Variants in NOM1 observed in about 807,000 individuals in gnomAD.
NOM1 encodes nucleolar MIF4G domain-containing protein 1.
Under a neutral mutation model 73.3 loss-of-function variants are expected in NOM1, and 58 were observed. The ratio of observed to expected loss-of-function variants is 0.79; its 90% CI spans 0.64 to 0.99. NOM1 has a LOEUF of 0.99. NOM1 is among the 50% of genes least tolerant of loss of function. NOM1 has a pLI of 0.00. For missense variants in NOM1, 1,226 were observed against 1,131.9 expected, an observed-to-expected ratio of 1.08 and a Z score of -1.19; for synonymous variants, 487 against 446.8, an observed-to-expected ratio of 1.09 and a Z score of -1.14.
rs774739452 is a variant in NOM1 at position 156,966,280 on chromosome 7, A to C, written c.2044A>C (p.Lys682Gln). The C allele has an allele frequency of 6.8e-5, 109 of 1,613,846 alleles. No individual in the cohort carries two copies. Among genetic ancestry groups the C allele is most frequent in the Admixed American group, 3.8e-4 (23 of 60,008 alleles). Residue 682 changes from lysine (K) to glutamine (Q), a missense_variant, in exon 8 of 11, where the codon AAG (lysine) becomes CAG (glutamine). Transcript: ENST00000275820. ...TGTTCTGTTTTCTAGGCTTGGACTT[A>C]AGGATCAGCAGGAGAGAGAAATCAT... ...AFEKLLKLGL[K>Q]DQQEREIIHV...
In NOM1 at chr7:156,949,878, A is replaced by G. The variant is rs1429901932; in HGVS notation, c.141A>G (p.Leu47=). 2.6e-6 allele frequency: 4 copies of G among 1,528,662 alleles called. No individual in the cohort carries two copies. In the East Asian group the frequency reaches 9.8e-5, roughly 38 times the overall value. The allele number at this position is 1,528,662 out of a possible 1,614,324, so 94.7% of individuals were successfully genotyped here. Reference sequence around the variant, plus strand: ...AGAAGGCCCTGAAGAGGCTGAAGCTAGCGGTGGAGGAGTTCGTGCACGCGA... The same window carrying G: ...AGAAGGCCCTGAAGAGGCTGAAGCTGGCGGTGGAGGAGTTCGTGCACGCGA... ...GGEKALKRLK[L]AVEEFVHATS... The change falls in exon 1 of 11, where the codon CTA becomes CTG. Residue 47 remains leucine (L), a synonymous_variant. Coordinates refer to ENST00000275820, the MANE Select transcript of NOM1 (RefSeq NM_138400.2).
rs891984743 is a variant in NOM1 at position 156,950,230 on chromosome 7, G to A, written c.493G>A (p.Ala165Thr). The A allele has an allele frequency of 6.2e-7, 1 of 1,612,604 alleles. No individual in the cohort carries two copies. The highest frequency in any genetic ancestry group is 8.5e-7 in the Non-Finnish European group (1 of 1,179,650). Residue 165 changes from alanine to threonine, a missense_variant, in exon 1 of 11, where the codon GCC becomes ACC. Ala to Thr is a moderately conservative substitution (Grantham distance 58). Transcript: ENST00000275820. Reference protein sequence around the residue: ...AATAKTRPSAAATAAARKRAL... With the variant: ...AATAKTRPSATATAAARKRAL... ...CACCGCAAAGACCAGACCCTCCGCAGCCGCCACCGCCGCTGCCCGGAAACG... is the reference window on the plus strand; with the variant it reads ...CACCGCAAAGACCAGACCCTCCGCAACCGCCACCGCCGCTGCCCGGAAACG...
chr7:156,963,073 G>A lies in NOM1; in HGVS notation c.1809G>A (p.Ala603=), dbSNP rs764798949. 1.2e-5 allele frequency: 19 copies of A among 1,614,050 alleles called. No individual in the cohort carries two copies. Among genetic ancestry groups the A allele is most frequent in the East Asian group, 2.2e-5 (1 of 44,898 alleles). ...LRVSWDSVLS[A]EQTGRWWIVG... is the part of the protein sequence containing the mutation. Reference sequence around the variant, plus strand: ...TCTCCTGGGACAGTGTCTTGAGTGCGGAGCAGACGGGTCGCTGGTGGATTG... The same window carrying A: ...TCTCCTGGGACAGTGTCTTGAGTGCAGAGCAGACGGGTCGCTGGTGGATTG... Residue 603 remains alanine (A), a synonymous_variant, in exon 6 of 11, where the codon GCG becomes GCA. Transcript: ENST00000275820.
intron 1 of NOM1, 90 bp from the exon 2 acceptor site, chr7:156,952,384 A>T (rs1490323725): frequency 2.2e-6 from 3 of 1,392,208 alleles, no homozygotes; most frequent in Non-Finnish European, 2.9e-6. Context: ...AGTTCTTGGA[A>T]GTTTAATATT....
chr7:156,969,820 A>G lies in NOM1; in HGVS notation c.*117A>G, dbSNP rs1805099368. The G allele has an allele frequency of 2.1e-6, 2 of 961,550 alleles. No individual in the cohort carries two copies. Among genetic ancestry groups the G allele is most frequent in the Non-Finnish European group, 2.9e-6 (2 of 694,428 alleles). The allele number at this position is 961,550 out of a possible 1,614,324, so 59.6% of individuals were successfully genotyped here. On this transcript the variant is annotated 3_prime_UTR_variant, in exon 11 of 11. Transcript: ENST00000275820. ...GGTAGAGCTATATCATTGTCTGTTA[A>G]TGTATTATATTTTGAGATTTTTTTT... is the stretch of plus-strand genomic sequence containing the variant.
intron 2 of NOM1, 28 bp downstream of exon 2, chr7:156,952,626 T>A: frequency 6.9e-6 from 11 of 1,598,060 alleles, no homozygotes; most frequent in Non-Finnish European, 9.4e-6. Context: ...TTACACTGTG[T>A]CACTTAGAGA....
At chr7:156,961,391 G>A (rs983741034) in intron 4 of NOM1, among the ~76,000 whole-genome samples, 4 of 152,116 alleles carry the variant, frequency 2.6e-5, no homozygotes, top group African/African-American at 9.7e-5. Context: ...AAGAGGAGGG[G>A]GCTGGAGAAG....
At chr7:156,968,199 C>T (rs956138322) in intron 9 of NOM1, among the ~76,000 whole-genome samples, 34 of 152,170 alleles carry the variant, frequency 2.2e-4, no homozygotes, top group African/African-American at 5.8e-4. Flanking sequence ...GCTCCCCCTC[C>T]GCTCCCCTGC....
intron 9 of NOM1, among the ~76,000 whole-genome samples, chr7:156,967,674 G>A (rs1805033095): frequency 6.6e-6 from 1 of 152,176 alleles, no homozygotes; most frequent in South Asian, 2.1e-4. Context: ...ACAGGCTCAT[G>A]CCACCACGCC....
intron 4 of NOM1, among the ~76,000 whole-genome samples, chr7:156,961,904 A>AAG (rs1457269918): frequency 4.6e-5 from 7 of 150,676 alleles, no homozygotes; most frequent in African/African-American, 1.7e-4. Flanking sequence ...CAGAAGGGAA[A>AAG]AGAGATCTCT....
At chr7:156,955,078 G>T (rs1268761073) in intron 3 of NOM1, among the ~76,000 whole-genome samples, 1 of 152,180 alleles carries the variant, frequency 6.6e-6, no homozygotes, top group Non-Finnish European at 1.5e-5. Context: ...GTGGGCTTTT[G>T]TTGGGATTGA....
At chr7:156,968,297 C>T (rs1000851879) in intron 9 of NOM1, among the ~76,000 whole-genome samples, 3 of 152,168 alleles carry the variant, frequency 2.0e-5, no homozygotes, top group Non-Finnish European at 4.4e-5. Flanking sequence ...GGCAGGAGCA[C>T]ACCCTCAGGC....
At chr7:156,968,910 A>G in intron 9 of NOM1, 177 bp from the exon 10 acceptor site, 1 of 545,802 alleles carries the variant, frequency 1.8e-6, no homozygotes, top group South Asian at 2.0e-5. Context: ...GGAATTCCCA[A>G]GGCCCACATC....
At position 156,969,932 on chromosome 7, in the gene NOM1, C is replaced by T. The variant is rs897201326; in HGVS notation, c.*229C>T. Reference sequence around the variant, plus strand: ...GGAGAAGGAGGGAGGGAAAAGGGGTCAGGCACACTGGACAGGGTTCTCTAA... The same window carrying T: ...GGAGAAGGAGGGAGGGAAAAGGGGTTAGGCACACTGGACAGGGTTCTCTAA... On this transcript the variant is annotated 3_prime_UTR_variant, in exon 11 of 11. Coordinates refer to ENST00000275820, the MANE Select transcript of NOM1 (RefSeq NM_138400.2). The T allele has an allele frequency of 1.4e-4, 53 of 367,462 alleles. No individual in the cohort carries two copies. The highest frequency in any genetic ancestry group is 9.9e-4 in the African/African-American group (47 of 47,548). The allele number at this position is 367,462 out of a possible 1,614,324, so 22.8% of individuals were successfully genotyped here. A position where few individuals can be genotyped will look rare whatever the true frequency, so the allele number is the denominator to read the frequency against.
intron 3 of NOM1, among the ~76,000 whole-genome samples, chr7:156,954,612 T>G (rs1804677638): frequency 6.8e-6 from 1 of 147,680 alleles, no homozygotes; most frequent in African/African-American, 2.5e-5. Context: ...ACTCGAGTGA[T>G]CCTCCCACCT....
chr7:156,962,508 G>T (rs142429805), intron 5 of NOM1, among the ~76,000 whole-genome samples: 6 of 152,270 alleles, frequency 3.9e-5, no homozygotes, highest in African/African-American at 1.4e-4. Context: ...GCCTCACCCC[G>T]GGTGCTAAAC....
chr7:156,963,443 G>A (rs557756608), intron 6 of NOM1: 7 of 517,296 alleles, frequency 1.4e-5, no homozygotes, highest in African/African-American at 1.3e-4. Flanking sequence ...AACGCTCACG[G>A]GGCAGGAGTC....
intron 3 of NOM1, 131 bp from the exon 4 acceptor site, chr7:156,959,720 C>T (rs76106391): frequency 0.046 from 40,355 of 874,238 alleles, 1,114 homozygotes; most frequent in South Asian, 0.082. Flanking sequence ...TCTGGGTTGC[C>T]GAGGGATGCC....
chr7:156,955,049 G>A (rs1488942318), intron 3 of NOM1, among the ~76,000 whole-genome samples: 1 of 152,188 alleles, frequency 6.6e-6, no homozygotes, highest in Admixed American at 6.5e-5. Context: ...CTGTGTCATG[G>A]CCCTTTCTCA....
Sources: allele counts gnomAD v4.1 joint callset (sites outside exome capture counted in the v4.1 genomes callset), GRCh38; gene constraint gnomAD v4.1.1; transcripts MANE v1.5; gene names NCBI Gene and HGNC (gene_info 2026-07-23, HGNC 2026-07-21).